MACROD1: variants seen among roughly 807,000 people sequenced by gnomAD.
MACROD1 encodes the protein mono-ADP ribosylhydrolase 1, also known as ADP-ribose glycohydrolase MACROD1.
A neutral mutation model predicts 41.4 loss-of-function variants in MACROD1; 31 were observed. The ratio of observed to expected loss-of-function variants is 0.75; its 90% CI spans 0.56 to 1.01. The LOEUF is 1.01. Among genes scored for constraint, MACROD1 ranks in the 50% least tolerant of loss-of-function variants. The pLI, the probability that MACROD1 is intolerant of heterozygous loss-of-function variation, is 0.00. For synonymous variants in MACROD1, 252 were observed against 203.4 expected, an observed-to-expected ratio of 1.24 and a Z score of -2.03; for missense variants, 473 against 460.0, an observed-to-expected ratio of 1.03 and a Z score of -0.26.
At chr11:64,118,654 T>A in intron 3 of MACROD1, 1 of 197,382 alleles carries the variant, frequency 5.1e-6, no homozygotes, top group Non-Finnish European at 1.1e-5. Flanking sequence ...TGTGGACACC[T>A]CATGCTCTGT....
At chr11:64,006,428 G>A (rs892726052) in intron 4 of MACROD1, among the ~76,000 whole-genome samples, 2 of 152,226 alleles carry the variant, frequency 1.3e-5, no homozygotes, top group South Asian at 2.1e-4. Context: ...CCACCCTCTC[G>A]GTGCCAAGGC....
chr11:64,037,571 G>T (rs1275985333), intron 3 of MACROD1, among the ~76,000 whole-genome samples: 4 of 152,176 alleles, frequency 2.6e-5, no homozygotes, highest in African/African-American at 7.2e-5. Flanking sequence ...CAGTGAGGGG[G>T]CCCTGGTAGG....
intron 3 of MACROD1, among the ~76,000 whole-genome samples, chr11:64,114,256 G>GTGGATTGATGGATGGATGGATGGATTGA (rs139072150): frequency 7.3e-6 from 1 of 137,906 alleles, no homozygotes; most frequent in Non-Finnish European, 1.6e-5. Flanking sequence ...GGATGGTTAG[G>GTGGATTGATGGATGGATGGATGGATTGA]TGGATGGATG....
intron 3 of MACROD1, among the ~76,000 whole-genome samples, chr11:64,065,587 A>C (rs1021989766): frequency 6.6e-6 from 1 of 151,728 alleles, no homozygotes; most frequent in African/African-American, 2.4e-5. Context: ...CAGGAGATCA[A>C]GACCATCCTG....
At chr11:64,149,828 G>A (rs1243007121) in intron 3 of MACROD1, among the ~76,000 whole-genome samples, 1 of 152,236 alleles carries the variant, frequency 6.6e-6, no homozygotes, top group East Asian at 1.9e-4. Flanking sequence ...CAGGCAGCAA[G>A]AACGCCCTTC....
chr11:64,165,671 T>A, intron 1 of MACROD1, 26 bp downstream of exon 1: 1 of 1,382,468 alleles, frequency 7.2e-7, no homozygotes, highest in Non-Finnish European at 9.4e-7. Context: ...GCCCTCTCCC[T>A]CGCGCCCCCT....
chr11:64,165,798 G>GC lies in MACROD1; in HGVS notation c.196dup (p.Ala66GlyfsTer42). On this transcript the variant is annotated frameshift_variant, in exon 1 of 11. Coordinates refer to ENST00000255681, the MANE Select transcript of MACROD1 (RefSeq NM_014067.4). LOFTEE classifies it high-confidence loss of function. ...CCCGGCTGTCCGCCCCACCGCCGCC[G>GC]CCCCCCACGCCCCAACTCCCGCCGA... 3.4e-6 allele frequency: 5 copies of GC among 1,479,226 alleles called. No homozygotes were observed. The highest frequency in any genetic ancestry group is 1.3e-5 in the South Asian group (1 of 75,180). The allele number at this position is 1,479,226 out of a possible 1,614,324, so 91.6% of individuals were successfully genotyped here. A position where few individuals can be genotyped will look rare whatever the true frequency, so the allele number is the denominator to read the frequency against.
At chr11:64,039,617 C>G (rs548668347) in intron 3 of MACROD1, among the ~76,000 whole-genome samples, 5 of 152,310 alleles carry the variant, frequency 3.3e-5, no homozygotes, top group Admixed American at 6.5e-5. Flanking sequence ...CTCCTCCCCC[C>G]GGACAGCCTG....
At chr11:64,030,480 AGGTGCCGACAGTCT>A (rs1943279984) in intron 3 of MACROD1, among the ~76,000 whole-genome samples, 1 of 152,152 alleles carries the variant, frequency 6.6e-6, no homozygotes, top group African/African-American at 2.4e-5. Flanking sequence ...TGTGCCCTCA[AGGTGCCGACAGTCT>A]GGTGCAGAGA....
intron 3 of MACROD1, among the ~76,000 whole-genome samples, chr11:64,021,465 C>T (rs566723416): frequency 4.6e-5 from 7 of 152,200 alleles, no homozygotes; most frequent in Admixed American, 6.5e-5. Flanking sequence ...TCAGAGGAGA[C>T]GCAGTGACCC....
intron 3 of MACROD1, among the ~76,000 whole-genome samples, chr11:64,084,578 TTC>T (rs1292845039): frequency 5.3e-5 from 8 of 152,270 alleles, no homozygotes; most frequent in African/African-American, 1.9e-4. Flanking sequence ...CTCACTTTCC[TTC>T]TCTGTAAAAT....
intron 3 of MACROD1, among the ~76,000 whole-genome samples, chr11:64,110,374 G>A (rs182709172): frequency 1.1e-3 from 161 of 151,950 alleles, no homozygotes; most frequent in African/African-American, 3.6e-3. Flanking sequence ...ACCTGAGCAT[G>A]GGGAGGTCGA....
chr11:64,086,515 C>T (rs541769035), intron 3 of MACROD1, among the ~76,000 whole-genome samples: 5 of 152,180 alleles, frequency 3.3e-5, no homozygotes, highest in East Asian at 3.9e-4. Flanking sequence ...CCTAGCTGAC[C>T]GCCCTGCCCC....
At chr11:64,156,963 A>T (rs1237298088) in intron 1 of MACROD1, among the ~76,000 whole-genome samples, 4 of 152,218 alleles carry the variant, frequency 2.6e-5, no homozygotes, top group Admixed American at 1.3e-4. Context: ...AGAAAAGGCC[A>T]ACTGCGCCCA....
intron 3 of MACROD1, among the ~76,000 whole-genome samples, chr11:64,026,888 C>T (rs191520662): frequency 6.6e-6 from 1 of 152,306 alleles, no homozygotes; most frequent in Admixed American, 6.5e-5. Context: ...AGGGGCTGCC[C>T]CTGACCACCC....
chr11:64,072,057 G>A (rs978800699), intron 3 of MACROD1, among the ~76,000 whole-genome samples: 1 of 151,636 alleles, frequency 6.6e-6, no homozygotes, highest in Admixed American at 6.7e-5. Flanking sequence ...AAATCCTCCC[G>A]GCAGACAAGA....
intron 3 of MACROD1, among the ~76,000 whole-genome samples, chr11:64,084,146 T>C (rs1024455934): frequency 6.6e-6 from 1 of 152,126 alleles, no homozygotes; most frequent in Non-Finnish European, 1.5e-5. Context: ...TGTACATGAG[T>C]GCATGGCACG....
rs117829504 is a variant in MACROD1 at position 64,131,403 on chromosome 11, G to C, written c.517+19836C>G. Among the ~76,000 whole-genome samples, 504 of 152,174 alleles carry C rather than the reference G, an allele frequency of 3.3e-3. 2 individuals carry two copies. Among genetic ancestry groups the C allele is most frequent in the East Asian group, 0.019 (97 of 5,164 alleles). On this transcript the variant is annotated intron_variant, in intron 3 of 10. Transcript: ENST00000255681. ...GGCTGGTGTACAGTGAGGTGATCTC[G>C]GCAGCTTCCGCCTCCCAGGTTCAAG...
chr11:64,109,564 G>A (rs1944823930), intron 3 of MACROD1, among the ~76,000 whole-genome samples: 1 of 152,164 alleles, frequency 6.6e-6, no homozygotes, highest in Non-Finnish European at 1.5e-5. Flanking sequence ...GTGTGGCGTG[G>A]AGGAGGTAGG....
Sources: gnomAD v4.1 joint callset for allele counts (sites outside exome capture counted in the v4.1 genomes callset) on GRCh38, gnomAD v4.1.1 for gene constraint, MANE v1.5 for transcripts, NCBI Gene and HGNC (gene_info 2026-07-23, HGNC 2026-07-21) for gene names.